The following RAPH1 variants were observed in gnomAD, a reference collection of about 807,000 sequenced individuals.
The protein encoded by RAPH1 is ras-associated and pleckstrin homology domains-containing protein 1.
A neutral mutation model predicts 88.1 loss-of-function variants in RAPH1; 18 were observed. That is an observed-to-expected ratio of 0.20 (90% CI 0.14 to 0.30). The LOEUF (loss-of-function observed/expected upper bound fraction) is 0.30, where lower values mean the gene tolerates loss of function less well. Among genes scored for constraint, RAPH1 ranks in the 10% least tolerant of loss-of-function variants. The pLI is 1.00. For missense variants in RAPH1, 1,448 were observed against 1,543.2 expected, an observed-to-expected ratio of 0.94 and a Z score of 1.03; for synonymous variants, 587 against 559.0, an observed-to-expected ratio of 1.05 and a Z score of -0.71.
chr2:203,441,275 G>A lies in RAPH1; in HGVS notation c.1915C>T (p.Pro639Ser), dbSNP rs2098503771. The change falls in exon 14 of 14, where the codon CCA becomes TCA. Residue 639 changes from proline to serine, a missense_variant. Transcript: ENST00000319170. Reference protein sequence around the residue: ...PPPPPPPPPPPPPPPPPPPPL... With the variant: ...PPPPPPPPPPSPPPPPPPPPL... ...GGAGGAGGGGGTGGTGGAGGGGGTGGTGGAGGAGGAGGTGGGGGTGGCGGA... is the reference window on the plus strand; with the variant it reads ...GGAGGAGGGGGTGGTGGAGGGGGTGATGGAGGAGGAGGTGGGGGTGGCGGA... The A allele has an allele frequency of 7.3e-7, 1 of 1,362,184 alleles. No individual in the cohort carries two copies. 84.4% of individuals were successfully genotyped at this position (1,362,184 alleles called of 1,614,324 possible).
rs1417472005 is a variant in RAPH1, at chr2:203,440,198, C to T, written c.2992G>A (p.Asp998Asn). ...GGTGTAAACTTGCTGACTAGACTGT[C>T]CACCGAGGGTCTCTTGGGCTCGGGG... ...EHPEPKRPSV[D>N]SLVSKFTPPA... Residue 998 changes from aspartate (D) to asparagine (N), a missense_variant, in exon 14 of 14, where the codon GAC becomes AAC. Coordinates refer to ENST00000319170, the MANE Select transcript of RAPH1 (RefSeq NM_213589.3). 7 of 1,613,860 alleles carry T rather than the reference C, an allele frequency of 4.3e-6. No homozygotes were observed. Among genetic ancestry groups the T allele is most frequent in the Non-Finnish European group, 5.9e-6 (7 of 1,179,982 alleles).
At chr2:203,507,464 A>G (rs1689143031) in intron 1 of RAPH1, among the ~76,000 whole-genome samples, 1 of 152,176 alleles carries the variant, frequency 6.6e-6, no homozygotes, top group Non-Finnish European at 1.5e-5. Context: ...TCTCCCCACA[A>G]ATTACTCAGA....
chr2:203,499,761 T>A (rs1485204374), intron 1 of RAPH1, among the ~76,000 whole-genome samples: 1 of 152,096 alleles, frequency 6.6e-6, no homozygotes, highest in Non-Finnish European at 1.5e-5. Flanking sequence ...CAAAAAAAAC[T>A]TAGGTCCTAC....
chr2:203,494,892 ATT>A (rs1487691015), intron 2 of RAPH1, among the ~76,000 whole-genome samples: 1 of 152,074 alleles, frequency 6.6e-6, no homozygotes, highest in East Asian at 1.9e-4. Context: ...ATGTATTCAA[ATT>A]TACTAAGGTA....
chr2:203,448,790 C>T lies in RAPH1; in HGVS notation c.1460G>A (p.Cys487Tyr). Residue 487 changes from cysteine (C) to tyrosine (Y), a missense_variant, in exon 11 of 14, where the codon TGT (cysteine) becomes TAT (tyrosine). Physicochemically the swap from Cys to Tyr is radical, Grantham distance 194 (BLOSUM62 -2). Transcript: ENST00000319170. This position sits in a 1 kb window ranked among gnomAD's most constrained non-coding sequence, Gnocchi z 4.1. ...CTGATGCAGTGTCCTCACATCATCA[C>T]AACAAAGGTATTTGATATATTGAGA... ...KKSQYIKYLC[C>Y]DDVRTLHQWV... 1 of 1,611,996 alleles carries T rather than the reference C, an allele frequency of 6.2e-7. No individual in the cohort carries two copies. The highest frequency in any genetic ancestry group is 8.5e-7 in the Non-Finnish European group (1 of 1,179,230).
intron 1 of RAPH1, among the ~76,000 whole-genome samples, chr2:203,508,221 C>CAAA (rs768340713): frequency 3.4e-5 from 2 of 58,556 alleles, no homozygotes; most frequent in African/African-American, 5.2e-5. Flanking sequence ...GACTCTGTCT[C>CAAA]AAAAAAAAAA....
At chr2:203,458,728 C>G (rs773705359) in intron 7 of RAPH1, among the ~76,000 whole-genome samples, 8 of 151,940 alleles carry the variant, frequency 5.3e-5, no homozygotes, top group Non-Finnish European at 1.0e-4. Flanking sequence ...GATGCAGAAC[C>G]CATGGATATA....
In RAPH1 at chr2:203,440,620, G is replaced by A. The variant is rs374443910; in HGVS notation, c.2570C>T (p.Pro857Leu). ...TATCTGCTTCACGACCGAGGGCACC[G>A]GTGACAGTGGAGAGGGAGGGGGTTT... ...CAKPPPSPLSPVPSVVKQIAS... is the reference protein window; with the variant it reads ...CAKPPPSPLSLVPSVVKQIAS... The change falls in exon 14 of 14, where the codon CCG (proline) becomes CTG (leucine). Residue 857 changes from proline (P) to leucine (L), a missense_variant. This residue lies in a region of RAPH1 where 935 missense variants were observed against 890.1 expected (regional missense o/e 1.05). Coordinates refer to ENST00000319170, the MANE Select transcript of RAPH1 (RefSeq NM_213589.3). 35 of 1,555,794 alleles carry A rather than the reference G, an allele frequency of 2.2e-5. No homozygotes were observed. The highest frequency in any genetic ancestry group is 1.4e-4 in the African/African-American group (10 of 73,170).
chr2:203,522,895 CA>C (rs59862473), intron 1 of RAPH1, among the ~76,000 whole-genome samples: 4,831 of 85,762 alleles, frequency 0.056, 175 homozygotes, highest in African/African-American at 0.18. Context: ...GACTCTGTCT[CA>C]AAAAAAAAAA....
chr2:203,469,026 G>A (rs903708092), intron 4 of RAPH1, among the ~76,000 whole-genome samples: 1 of 152,222 alleles, frequency 6.6e-6, no homozygotes, highest in African/African-American at 2.4e-5. Context: ...ATGGAGCCCA[G>A]GGATAATGTA....
At chr2:203,525,673 A>G (rs1241250344) in intron 1 of RAPH1, among the ~76,000 whole-genome samples, 1 of 152,124 alleles carries the variant, frequency 6.6e-6, no homozygotes, top group Non-Finnish European at 1.5e-5. Flanking sequence ...GTTACTTGGG[A>G]GGCTGAGGTG....
At position 203,459,888 on chromosome 2, in the gene RAPH1, G is replaced by GT. The variant is rs773318667; in HGVS notation, c.1092+18dup. 1.5e-5 allele frequency: 24 copies of GT among 1,607,134 alleles called. No individual in the cohort carries two copies. The highest frequency in any genetic ancestry group is 2.0e-5 in the Non-Finnish European group (23 of 1,177,446). ...GACATATTTACAAATCCTGACCTCT[G>GT]TAAGTTGTTTGGTCTTACCTGTGGG... On this transcript the variant is annotated intron_variant, in intron 7 of 13. Transcript: ENST00000319170.
Position 203,447,987 on chromosome 2 carries a change from T to C in RAPH1, c.1605A>G (p.Lys535=). ...DWTSLSSSSI[K]SGSSSSSIPE... ...GGATGCTGGAAGAACTGGATCCCGATTTAATGCTGGAGCTGGATAAGGAAG... is the reference window on the plus strand; with the variant it reads ...GGATGCTGGAAGAACTGGATCCCGACTTAATGCTGGAGCTGGATAAGGAAG... The change falls in exon 12 of 14, where the codon AAA becomes AAG. Residue 535 remains lysine (K), a synonymous_variant. Coordinates refer to ENST00000319170, the MANE Select transcript of RAPH1 (RefSeq NM_213589.3). 1 of 1,613,968 alleles carries C rather than the reference T, an allele frequency of 6.2e-7. No homozygotes were observed.
chr2:203,506,473 G>A (rs1320055699), intron 1 of RAPH1, among the ~76,000 whole-genome samples: 2 of 151,392 alleles, frequency 1.3e-5, no homozygotes, highest in African/African-American at 2.4e-5. Context: ...AGCAGAGATC[G>A]TGCCACTGCA....
At chr2:203,445,776 G>A (rs1428867481) in intron 12 of RAPH1, 2 of 152,104 alleles carry the variant, frequency 1.3e-5, no homozygotes, top group Admixed American at 1.3e-4. Flanking sequence ...GGGGAACCAT[G>A]TTCTGGAAGG....
chr2:203,501,185 A>G (rs1559490207), intron 1 of RAPH1, among the ~76,000 whole-genome samples: 1 of 152,204 alleles, frequency 6.6e-6, no homozygotes, highest in Non-Finnish European at 1.5e-5. Flanking sequence ...AAGGCACAAA[A>G]AGAGGAAGAG....
intron 4 of RAPH1, among the ~76,000 whole-genome samples, chr2:203,484,211 G>C (rs1687861980): frequency 1.3e-5 from 2 of 152,150 alleles, no homozygotes; most frequent in South Asian, 4.1e-4. Flanking sequence ...TTAAATCTAA[G>C]AAGATTTGAT....
At chr2:203,511,140 C>A (rs940582034) in intron 1 of RAPH1, among the ~76,000 whole-genome samples, 6 of 151,954 alleles carry the variant, frequency 3.9e-5, no homozygotes, top group African/African-American at 1.5e-4. Flanking sequence ...AAGAGAGAAA[C>A]CATATGGTTC....
chr2:203,441,154 T>A lies in RAPH1; in HGVS notation c.2036A>T (p.His679Leu), dbSNP rs2098503506. 1.2e-6 allele frequency: 2 copies of A among 1,612,186 alleles called. No individual in the cohort carries two copies. Among genetic ancestry groups the A allele is most frequent in the African/African-American group, 2.7e-5 (2 of 74,418 alleles). Reference protein sequence around the residue: ...TITRLQNASQHSGALFKPPTP... With the variant: ...TITRLQNASQLSGALFKPPTP... The stretch of plus-strand genomic sequence containing the variant: ...TGGCGGCTTAAACAGGGCCCCTGAA[T>A]GCTGAGACGCATTCTGTAGCCGTGT... The change falls in exon 14 of 14, where the codon CAT becomes CTT. Residue 679 changes from histidine (H) to leucine (L), a missense_variant. Physicochemically the swap from His to Leu is moderately conservative, Grantham distance 99 (BLOSUM62 -3). Around this residue, in one of 2 missense-constraint regions of RAPH1, gnomAD observed 935 missense variants for 890.1 expected, o/e 1.05. Coordinates refer to ENST00000319170, the MANE Select transcript of RAPH1 (RefSeq NM_213589.3).
Sources: gnomAD v4.1 joint callset for allele counts (sites outside exome capture counted in the v4.1 genomes callset) on GRCh38, gnomAD v4.1.1 for gene constraint, gnomAD v4.1.1 regional missense constraint, Gnocchi (gnomAD v3.1) non-coding constraint, MANE v1.5 for transcripts, NCBI Gene and HGNC (gene_info 2026-07-23, HGNC 2026-07-21) for gene names.